AGMO: variants seen among roughly 807,000 people sequenced by gnomAD.
AGMO encodes alkylglycerol monooxygenase, also known as glyceryl-ether monooxygenase.
AGMO carries 75 observed loss-of-function variants against 60.2 expected under a neutral mutation model. The ratio of observed to expected loss-of-function variants is 1.25; its 90% CI spans 1.03 to 1.51. AGMO has a LOEUF of 1.51. Among genes scored for constraint, AGMO ranks in the 40% most tolerant of loss-of-function variants. The pLI, the probability that AGMO is intolerant of heterozygous loss-of-function variation, is 0.00. For missense variants in AGMO, 763 were observed against 525.5 expected (o/e 1.45, Z -4.42); for synonymous variants, 261 against 177.1 (o/e 1.47, Z -3.76).
intron 2 of AGMO, among the ~76,000 whole-genome samples, chr7:15,549,786 G>C (rs991630026): frequency 1.3e-5 from 2 of 151,438 alleles, no homozygotes; most frequent in African/African-American, 4.9e-5. Context: ...AGGATACCCA[G>C]GAATTGAACT....
chr7:15,543,241 T>C (rs1023818377), intron 3 of AGMO, among the ~76,000 whole-genome samples: 3 of 152,196 alleles, frequency 2.0e-5, no homozygotes, highest in African/African-American at 7.2e-5. Context: ...AGAAATACTT[T>C]GGCATGCTTT....
At chr7:15,169,829 G>T in the AGMO span, among the ~76,000 whole-genome samples, 3 of 152,318 alleles carry the variant, frequency 2.0e-5, no homozygotes, top group African/African-American at 7.2e-5. Context: ...AGTCAATGAA[G>T]GAGTTTGTTT....
At chr7:15,184,424 AAGAAGGAAG>A in the AGMO span, among the ~76,000 whole-genome samples, 1 of 71,686 alleles carries the variant, frequency 1.4e-5, no homozygotes, top group African/African-American at 5.6e-5. Context: ...AAGGAAGGAA[AAGAAGGAAG>A]GAAGGGAGGG....
chr7:15,235,965 C>T (rs900094218), intron 12 of AGMO, among the ~76,000 whole-genome samples: 1 of 152,126 alleles, frequency 6.6e-6, no homozygotes, highest in Non-Finnish European at 1.5e-5. Flanking sequence ...GTTTACTTTA[C>T]AGACAGATTC....
chr7:15,529,552 ATAGAATATAT>A lies in AGMO; in HGVS notation c.409+15210_409+15219del, dbSNP rs1562554651. 1.1e-3 allele frequency among the ~76,000 whole-genome samples: 129 copies of A among 116,764 alleles called. 4 individuals carry two copies. The highest frequency in any genetic ancestry group is 4.3e-3 in the African/African-American group (126 of 29,570). 76.6% of individuals were successfully genotyped at this position (116,764 alleles called of 152,430 possible). The stretch of plus-strand genomic sequence containing the variant: ...TAGAATATATATATATTCTATATAT[ATAGAATATAT>A]ATTCTATATATAGAGTATATATAGT... On this transcript the variant is annotated intron_variant, in intron 3 of 12. Transcript: ENST00000342526.
chr7:15,447,463 G>A (rs899573588), intron 3 of AGMO, among the ~76,000 whole-genome samples: 9 of 152,174 alleles, frequency 5.9e-5, no homozygotes, highest in African/African-American at 1.9e-4. Context: ...ACCCCATAGC[G>A]GGATAAAGTG....
intron 3 of AGMO, among the ~76,000 whole-genome samples, chr7:15,497,286 A>T (rs1783258472): frequency 6.6e-6 from 1 of 152,140 alleles, no homozygotes; most frequent in Non-Finnish European, 1.5e-5. Context: ...GCAAGATTTG[A>T]ACAGTGACTT....
Position 15,416,598 on chromosome 7 carries a change from G to T in AGMO, c.609+1960C>A, listed in dbSNP as rs143921408. Among the ~76,000 whole-genome samples, 549 of 152,208 alleles carry T rather than the reference G, an allele frequency of 3.6e-3. 2 individuals carry two copies. The highest frequency in any genetic ancestry group is 0.013 in the African/African-American group (520 of 41,562). The stretch of plus-strand genomic sequence containing the variant: ...GGATGTTAGGAGAAGTGAAACAATT[G>T]TAAGAATGAAACTCTATTCAGGAAT... On this transcript the variant is annotated intron_variant, in intron 5 of 12. Transcript: ENST00000342526.
intron 12 of AGMO, among the ~76,000 whole-genome samples, chr7:15,338,128 TTA>T (rs1583424322): frequency 6.6e-6 from 1 of 152,182 alleles, no homozygotes; most frequent in Non-Finnish European, 1.5e-5. Context: ...TATGTATATT[TTA>T]TGTTTTCTCT....
At chr7:15,457,884 T>C (rs975855835) in intron 3 of AGMO, among the ~76,000 whole-genome samples, 8 of 152,126 alleles carry the variant, frequency 5.3e-5, no homozygotes, top group African/African-American at 1.9e-4. Context: ...GACACATGTG[T>C]TGAATATCTA....
intron 3 of AGMO, among the ~76,000 whole-genome samples, chr7:15,435,101 GT>G (rs1781363134): frequency 6.6e-6 from 1 of 151,602 alleles, no homozygotes; most frequent in Non-Finnish European, 1.5e-5. Context: ...GTTTTGTTTT[GT>G]TTTTATCTAT....
At chr7:15,168,027 T>C in the AGMO span, among the ~76,000 whole-genome samples, 1 of 152,118 alleles carries the variant, frequency 6.6e-6, no homozygotes, top group Non-Finnish European at 1.5e-5. Context: ...GCTAAATATA[T>C]CTCAGCAAAC....
intron 3 of AGMO, among the ~76,000 whole-genome samples, chr7:15,468,280 G>A (rs1283991491): frequency 6.6e-6 from 1 of 152,036 alleles, no homozygotes; most frequent in Non-Finnish European, 1.5e-5. Context: ...TTTTCTCCTG[G>A]ATGATGACAA....
intron 12 of AGMO, among the ~76,000 whole-genome samples, chr7:15,294,738 A>T (rs2128523468): frequency 6.6e-6 from 1 of 152,088 alleles, no homozygotes; most frequent in Non-Finnish European, 1.5e-5. Context: ...TTCGAGACTT[A>T]TTAAAATATT....
At chr7:15,322,520 A>G (rs1781153923) in intron 12 of AGMO, among the ~76,000 whole-genome samples, 1 of 86,250 alleles carries the variant, frequency 1.2e-5, no homozygotes, top group South Asian at 3.7e-4. Context: ...ATATATAAAT[A>G]TATATAAATA....
chr7:15,333,900 C>A (rs977072186), intron 12 of AGMO, among the ~76,000 whole-genome samples: 3 of 151,892 alleles, frequency 2.0e-5, no homozygotes, highest in African/African-American at 7.2e-5. Flanking sequence ...ATAATTCTTC[C>A]AGTGTTCTCA....
intron 12 of AGMO, among the ~76,000 whole-genome samples, chr7:15,280,653 T>G (rs1783936286): frequency 6.6e-6 from 1 of 152,180 alleles, no homozygotes; most frequent in African/African-American, 2.4e-5. Context: ...CCTTTGCAAA[T>G]GCCACCTCTT....
intron 12 of AGMO, among the ~76,000 whole-genome samples, chr7:15,206,298 T>C (rs1404296621): frequency 6.6e-6 from 1 of 152,044 alleles, no homozygotes; most frequent in Non-Finnish European, 1.5e-5. Flanking sequence ...AAATGCCAAC[T>C]TACAAGAAAT....
At chr7:15,151,950 T>G in the AGMO span, among the ~76,000 whole-genome samples, 18,066 of 152,222 alleles carry the variant, frequency 0.12, 1,351 homozygotes, top group Non-Finnish European at 0.17. Context: ...CTGTTTTTAG[T>G]GCTTCCAATT....
Sources: gnomAD v4.1 joint callset for allele counts (sites outside exome capture counted in the v4.1 genomes callset) on GRCh38, gnomAD v4.1.1 for gene constraint, MANE v1.5 for transcripts, NCBI Gene and HGNC (gene_info 2026-07-23, HGNC 2026-07-21) for gene names.